GRID2: variants seen among roughly 807,000 people sequenced by gnomAD.
The protein encoded by GRID2 is glutamate receptor ionotropic, delta-2.
GRID2 carries 33 observed loss-of-function variants against 114.8 expected under a neutral mutation model. That is an observed-to-expected ratio of 0.29 (90% confidence interval 0.22 to 0.38). GRID2 has a LOEUF of 0.38. Ranked by LOEUF, GRID2 falls within the 10% of genes least tolerant of loss-of-function variation. The pLI is 1.00. For synonymous variants in GRID2, 505 were observed against 449.9 expected (o/e 1.12, Z -1.55); for missense variants, 1,184 against 1,257.7 (o/e 0.94, Z 0.89).
intron 14 of GRID2, among the ~76,000 whole-genome samples, chr4:93,713,822 C>CA (rs1728685475): frequency 6.6e-6 from 1 of 152,132 alleles, no homozygotes; most frequent in South Asian, 2.1e-4. Flanking sequence ...TGTTCTTTCC[C>CA]AAAACTCTTC....
intron 1 of GRID2, among the ~76,000 whole-genome samples, chr4:92,471,495 T>G (rs541271020): frequency 5.2e-4 from 79 of 152,230 alleles, no homozygotes; most frequent in Non-Finnish European, 9.1e-4. Flanking sequence ...TATATCATAC[T>G]GCCTGGTATA....
chr4:93,531,097 A>G (rs1185246596), intron 13 of GRID2, among the ~76,000 whole-genome samples: 1 of 152,152 alleles, frequency 6.6e-6, no homozygotes, highest in Non-Finnish European at 1.5e-5. Context: ...ATTATGTTTC[A>G]AGTGTGGCAA....
At chr4:93,545,945 TA>T (rs1381847141) in intron 13 of GRID2, among the ~76,000 whole-genome samples, 1 of 151,980 alleles carries the variant, frequency 6.6e-6, no homozygotes, top group Non-Finnish European at 1.5e-5. Context: ...TATAAAATAA[TA>T]GTGTTTTTAA....
At chr4:93,416,176 T>G (rs1767684248) in intron 9 of GRID2, among the ~76,000 whole-genome samples, 1 of 152,038 alleles carries the variant, frequency 6.6e-6, no homozygotes, top group Non-Finnish European at 1.5e-5. Flanking sequence ...TCTATTCTGG[T>G]GTCTTGATAT....
chr4:93,562,107 T>C (rs181192379), intron 13 of GRID2, among the ~76,000 whole-genome samples: 1 of 152,228 alleles, frequency 6.6e-6, no homozygotes, highest in Admixed American at 6.6e-5. Context: ...CAAACTGTCT[T>C]CCAACATAAT....
chr4:93,039,820 C>T (rs1236934731), intron 2 of GRID2, among the ~76,000 whole-genome samples: 1 of 152,168 alleles, frequency 6.6e-6, no homozygotes. Context: ...CAATACTCAG[C>T]TTGACAGTAA....
intron 2 of GRID2, among the ~76,000 whole-genome samples, chr4:92,797,275 A>G (rs982788634): frequency 6.6e-6 from 1 of 151,998 alleles, no homozygotes; most frequent in African/African-American, 2.4e-5. Context: ...ACTATCATGC[A>G]TATTTTACTA....
At chr4:92,924,288 T>C (rs1432328992) in intron 2 of GRID2, among the ~76,000 whole-genome samples, 3 of 151,764 alleles carry the variant, frequency 2.0e-5, no homozygotes, top group Admixed American at 6.6e-5. Context: ...TTAGGAGAAA[T>C]AGCTAATGTT....
intron 1 of GRID2, among the ~76,000 whole-genome samples, chr4:93,792,898 T>C (rs1280815938): frequency 6.6e-6 from 1 of 152,148 alleles, no homozygotes; most frequent in East Asian, 1.9e-4. Context: ...CCTATTCCTT[T>C]ACCCACTGCC....
intron 2 of GRID2, among the ~76,000 whole-genome samples, chr4:92,737,789 G>A (rs969910337): frequency 2.6e-5 from 4 of 152,086 alleles, no homozygotes; most frequent in Non-Finnish European, 5.9e-5. Context: ...AGAGAAATGA[G>A]TATTTTTCTT....
At chr4:93,482,060 A>G (rs917737954) in intron 11 of GRID2, among the ~76,000 whole-genome samples, 9 of 152,108 alleles carry the variant, frequency 5.9e-5, no homozygotes, top group Admixed American at 2.0e-4. Context: ...TGTAAATGAA[A>G]CATTGAATAC....
At chr4:93,075,931 T>C (rs1375101597) in intron 2 of GRID2, among the ~76,000 whole-genome samples, 1 of 130,786 alleles carries the variant, frequency 7.6e-6, no homozygotes, top group African/African-American at 2.9e-5. Flanking sequence ...TGAGATGGAG[T>C]CTCGCTCTGT....
chr4:93,565,288 AC>A (rs1446621435), intron 13 of GRID2, among the ~76,000 whole-genome samples: 4 of 152,158 alleles, frequency 2.6e-5, no homozygotes, highest in African/African-American at 9.6e-5. Context: ...AATCTGAATA[AC>A]ATTGGTGGAT....
At chr4:92,638,714 G>T (rs937426429) in intron 2 of GRID2, among the ~76,000 whole-genome samples, 2 of 150,024 alleles carry the variant, frequency 1.3e-5, no homozygotes, top group Non-Finnish European at 3.0e-5. Flanking sequence ...GTAAATAAAA[G>T]ATTAATGAAA....
chr4:92,923,941 C>T (rs911329042), intron 2 of GRID2, among the ~76,000 whole-genome samples: 3 of 152,146 alleles, frequency 2.0e-5, no homozygotes, highest in Non-Finnish European at 2.9e-5. Flanking sequence ...TATAAAGACA[C>T]ATGCACACGT....
At chr4:93,147,010 A>C (rs748034394) in intron 4 of GRID2, among the ~76,000 whole-genome samples, 5 of 152,146 alleles carry the variant, frequency 3.3e-5, no homozygotes, top group Non-Finnish European at 7.4e-5. Flanking sequence ...AAATATAATG[A>C]GATTGAATAC....
intron 4 of GRID2, among the ~76,000 whole-genome samples, chr4:93,124,184 A>T (rs777741711): frequency 4.6e-5 from 7 of 152,132 alleles, no homozygotes; most frequent in Non-Finnish European, 1.0e-4. Context: ...CTTAGAGAAG[A>T]CACCAGTCAT....
chr4:93,304,843 C>T (rs779313714), intron 8 of GRID2, among the ~76,000 whole-genome samples: 1 of 151,938 alleles, frequency 6.6e-6, no homozygotes, highest in Non-Finnish European at 1.5e-5. Flanking sequence ...TCGTGTCCTT[C>T]TAGTAAAAAT....
At chr4:92,572,198 GA>G (rs1197624045) in intron 1 of GRID2, among the ~76,000 whole-genome samples, 4 of 151,980 alleles carry the variant, frequency 2.6e-5, no homozygotes, top group Non-Finnish European at 5.9e-5. Flanking sequence ...TGATAAAGGG[GA>G]TATCACCACC....
Sources: allele counts gnomAD v4.1 joint callset (sites outside exome capture counted in the v4.1 genomes callset), GRCh38; gene constraint gnomAD v4.1.1; transcripts MANE v1.5; gene names NCBI Gene and HGNC (gene_info 2026-07-23, HGNC 2026-07-21).